Variants in SLC13A1 observed in about 807,000 individuals in gnomAD.
SLC13A1 encodes the protein Na(+)/sulfate cotransporter.
Under a neutral mutation model 70.0 loss-of-function variants are expected in SLC13A1, and 65 were observed. The ratio of observed to expected loss-of-function variants is 0.93; its 90% CI spans 0.76 to 1.14. The LOEUF (loss-of-function observed/expected upper bound fraction) is 1.14, where lower values mean the gene tolerates loss of function less well. SLC13A1 is among the 50% of genes most tolerant of loss of function. SLC13A1 has a pLI of 0.00. For missense variants in SLC13A1, 726 were observed against 717.8 expected, an observed-to-expected ratio of 1.01 and a Z score of -0.13; for synonymous variants, 275 against 250.5, an observed-to-expected ratio of 1.10 and a Z score of -0.92.
intron 1 of SLC13A1, among the ~76,000 whole-genome samples, chr7:123,189,346 A>G (rs1237610842): frequency 1.3e-5 from 2 of 152,060 alleles, no homozygotes; most frequent in Non-Finnish European, 2.9e-5. Context: ...TCTCAAATGC[A>G]GACACATAAG....
chr7:123,175,570 A>C (rs1006492044), intron 2 of SLC13A1, among the ~76,000 whole-genome samples: 1 of 152,096 alleles, frequency 6.6e-6, no homozygotes, highest in South Asian at 2.1e-4. Context: ...CCCTTCCATC[A>C]TGTGAGGATG....
At chr7:123,198,215 G>A (rs973506625) in intron 1 of SLC13A1, among the ~76,000 whole-genome samples, 3 of 150,506 alleles carry the variant, frequency 2.0e-5, no homozygotes, top group Non-Finnish European at 3.0e-5. Flanking sequence ...TGAGAATTCA[G>A]AATAGAGCAC....
At chr7:123,190,674 G>T in intron 1 of SLC13A1, 1 of 456,604 alleles carries the variant, frequency 2.2e-6, no homozygotes, top group South Asian at 1.5e-5. Context: ...AATGAAAAAG[G>T]AGAAGCTGTT....
intron 6 of SLC13A1, among the ~76,000 whole-genome samples, chr7:123,154,285 C>G (rs1794647209): frequency 6.6e-6 from 1 of 152,052 alleles, no homozygotes; most frequent in Admixed American, 6.6e-5. Context: ...TTATTCAATC[C>G]CTTCTGTCTA....
chr7:123,135,661 G>A (rs1451879257), intron 7 of SLC13A1, among the ~76,000 whole-genome samples: 1 of 151,994 alleles, frequency 6.6e-6, no homozygotes, highest in Non-Finnish European at 1.5e-5. Context: ...ATACACTTTA[G>A]AGTGTTTCTT....
At chr7:123,181,375 T>A (rs765569091) in intron 1 of SLC13A1, among the ~76,000 whole-genome samples, 16 of 152,166 alleles carry the variant, frequency 1.1e-4, no homozygotes, top group Non-Finnish European at 1.3e-4. Flanking sequence ...TCCATTTTCT[T>A]GCTCATATTA....
At chr7:123,141,359 G>A (rs1202615076) in intron 7 of SLC13A1, among the ~76,000 whole-genome samples, 1 of 152,122 alleles carries the variant, frequency 6.6e-6, no homozygotes, top group African/African-American at 2.4e-5. Flanking sequence ...TGGTCCATGT[G>A]CTGAGGAAAA....
chr7:123,148,792 A>C (rs1214000151), intron 6 of SLC13A1, among the ~76,000 whole-genome samples: 2 of 152,050 alleles, frequency 1.3e-5, no homozygotes, highest in African/African-American at 4.8e-5. Context: ...TGTGAGTTTG[A>C]CTTTCTCTTT....
intron 12 of SLC13A1, among the ~76,000 whole-genome samples, chr7:123,120,377 C>T (rs1488993624): frequency 7.9e-5 from 12 of 152,026 alleles, no homozygotes; most frequent in African/African-American, 2.4e-4. Context: ...AATTATAACT[C>T]CACACTTCTA....
At chr7:123,135,873 C>T (rs534584150) in intron 7 of SLC13A1, among the ~76,000 whole-genome samples, 2 of 152,082 alleles carry the variant, frequency 1.3e-5, no homozygotes, top group African/African-American at 2.4e-5. Flanking sequence ...TAGAAAGTGA[C>T]AAATGATAAT....
intron 12 of SLC13A1, 151 bp downstream of exon 12, chr7:123,122,975 C>T (rs1585288236): frequency 1.7e-6 from 1 of 596,126 alleles, no homozygotes; most frequent in Admixed American, 2.6e-5. Flanking sequence ...GAACTCATCT[C>T]ATTTGTGTGG....
chr7:123,119,411 G>A (rs1322394618), intron 12 of SLC13A1, among the ~76,000 whole-genome samples, 169 bp from the exon 13 acceptor site: 2 of 151,858 alleles, frequency 1.3e-5, no homozygotes. Context: ...TTGGTAGGAA[G>A]GAGCTATTGC....
In SLC13A1 at chr7:123,117,504, G is replaced by GA; in HGVS notation, c.1616dup (p.Phe540LeufsTer10). ...TGACTTTCAGATGACCATATGAAAA[G>GA]ACAATAGCATTGGGTGGATTTGCTA... On this transcript the variant is annotated frameshift_variant, in exon 14 of 15. Coordinates refer to ENST00000194130, the MANE Select transcript of SLC13A1 (RefSeq NM_022444.4). LOFTEE classifies it high-confidence loss of function. 6.2e-7 allele frequency: 1 copy of GA among 1,613,352 alleles called. No homozygotes were observed. The highest frequency in any genetic ancestry group is 8.5e-7 in the Non-Finnish European group (1 of 1,179,556).
chr7:123,176,660 C>A (rs1795455427), intron 2 of SLC13A1, among the ~76,000 whole-genome samples: 1 of 152,154 alleles, frequency 6.6e-6, no homozygotes, highest in Non-Finnish European at 1.5e-5. Flanking sequence ...GGTTGTTTAG[C>A]TAAATCCAAT....
At chr7:123,130,994 A>C (rs982976336) in intron 8 of SLC13A1, among the ~76,000 whole-genome samples, 1 of 152,198 alleles carries the variant, frequency 6.6e-6, no homozygotes, top group Admixed American at 6.5e-5. Context: ...TAAATGAAAA[A>C]ATGGCTAGAT....
chr7:123,185,825 C>T (rs1330845352), intron 1 of SLC13A1, among the ~76,000 whole-genome samples: 1 of 151,992 alleles, frequency 6.6e-6, no homozygotes, highest in Non-Finnish European at 1.5e-5. Context: ...GTAGGGTAGC[C>T]ATCTGCCCCA....
intron 3 of SLC13A1, 122 bp downstream of exon 3, chr7:123,171,646 C>G (rs1027563939): frequency 6.0e-6 from 6 of 1,006,466 alleles, no homozygotes; most frequent in Non-Finnish European, 9.0e-6. Context: ...GAGGAAAAAA[C>G]GTCATAAGTC....
At chr7:123,159,951 A>G (rs2462153) in intron 6 of SLC13A1, among the ~76,000 whole-genome samples, 92,567 of 151,624 alleles carry the variant, frequency 0.61, 28,465 homozygotes, top group East Asian at 0.68. Flanking sequence ...GTAGTGTCAT[A>G]AAGTGTTGAA....
intron 1 of SLC13A1, among the ~76,000 whole-genome samples, chr7:123,198,789 T>G (rs912572230): frequency 5.9e-5 from 9 of 152,132 alleles, no homozygotes; most frequent in African/African-American, 1.9e-4. Flanking sequence ...GAGGAGAGCA[T>G]CAGCAGGGTT....
Sources: gnomAD v4.1 joint callset for allele counts (sites outside exome capture counted in the v4.1 genomes callset) on GRCh38, gnomAD v4.1.1 for gene constraint, MANE v1.5 for transcripts, NCBI Gene and HGNC (gene_info 2026-07-23, HGNC 2026-07-21) for gene names.